MLLT10: variants seen among roughly 807,000 people sequenced by gnomAD.
The protein encoded by MLLT10 is MLLT10 histone lysine methyltransferase DOT1L cofactor.
A neutral mutation model predicts 129.1 loss-of-function variants in MLLT10; 30 were observed. That is an observed-to-expected ratio of 0.23 (90% CI 0.17 to 0.32). MLLT10 has a LOEUF of 0.32. Ranked by LOEUF, MLLT10 falls within the 10% of genes least tolerant of loss-of-function variation. The pLI is 1.00. For synonymous variants in MLLT10, 490 were observed against 446.4 expected, an observed-to-expected ratio of 1.10 and a Z score of -1.23; for missense variants, 1,119 against 1,268.3, an observed-to-expected ratio of 0.88 and a Z score of 1.79.
chr10:21,732,348 C>T lies in MLLT10; in HGVS notation c.2219-551C>T, dbSNP rs552345799. The stretch of plus-strand genomic sequence containing the variant: ...CTCCAGGACTGGAGAGGTGGCTGGG[C>T]GCACACATAGCGCTCCCTGCTGGGT... On this transcript the variant is annotated intron_variant, in intron 17 of 22. Transcript: ENST00000307729. 4.6e-5 allele frequency among the ~76,000 whole-genome samples: 7 copies of T among 152,244 alleles called. No homozygotes were observed. The South Asian group carries it at 6.2e-4, about 14-fold the overall frequency.
intron 2 of MLLT10, 44 bp downstream of exon 2, chr10:21,534,848 A>G (rs747566964): frequency 9.6e-6 from 14 of 1,461,978 alleles, no homozygotes; most frequent in South Asian, 3.7e-5. Context: ...CCTGCGCCCA[A>G]CGGTCACCGC....
At chr10:21,660,749 C>CTGTAA (rs1356978623) in intron 9 of MLLT10, among the ~76,000 whole-genome samples, 2 of 151,734 alleles carry the variant, frequency 1.3e-5, no homozygotes, top group Admixed American at 6.6e-5. Flanking sequence ...TGCCGGACGC[C>CTGTAA]TGTAATCCCA....
At position 21,689,377 on chromosome 10, in the gene MLLT10, G is replaced by A. The variant is rs369222624; in HGVS notation, c.1699+7120G>A. On this transcript the variant is annotated intron_variant, in intron 13 of 22. Transcript: ENST00000307729. ...TCAAGGCCAGGGAAAATTGCTTTCA[G>A]CTGAAGGAATGAGCTATTCAGATAA... 5.9e-5 allele frequency among the ~76,000 whole-genome samples: 9 copies of A among 151,630 alleles called. No homozygotes were observed. The East Asian group carries it at 1.5e-3, about 26-fold the overall frequency.
Position 21,719,325 on chromosome 10 carries a change from T to G in MLLT10, c.1878+5375T>G, listed in dbSNP as rs543121761. Among the ~76,000 whole-genome samples the G allele has an allele frequency of 3.9e-5, 6 of 152,296 alleles. 1 individual carries two copies. The highest frequency in any genetic ancestry group is 1.4e-4 in the African/African-American group (6 of 41,572). On this transcript the variant is annotated intron_variant, in intron 14 of 22. Coordinates refer to ENST00000307729, the MANE Select transcript of MLLT10 (RefSeq NM_001195626.3). ...TAAATTTCTTCTGATTTCAATAATA[T>G]AATGACTTATAATTTTAAGGGAATT... is the stretch of plus-strand genomic sequence containing the variant.
intron 4 of MLLT10, among the ~76,000 whole-genome samples, chr10:21,591,132 A>G (rs1274455580): frequency 6.6e-6 from 1 of 152,150 alleles, no homozygotes; most frequent in Non-Finnish European, 1.5e-5. Context: ...ATCTTGGCTC[A>G]GTGAAGCCTC....
chr10:21,699,403 A>C (rs562806786), intron 13 of MLLT10, among the ~76,000 whole-genome samples: 1 of 151,982 alleles, frequency 6.6e-6, no homozygotes, highest in African/African-American at 2.4e-5. Context: ...ATGTAGTCCC[A>C]TTTTGTCTAT....
chr10:21,572,453 G>C (rs1454531459), intron 3 of MLLT10, among the ~76,000 whole-genome samples: 1 of 151,988 alleles, frequency 6.6e-6, no homozygotes, highest in Non-Finnish European at 1.5e-5. Context: ...TAATTGTCTT[G>C]AGTCTGTTGA....
chr10:21,628,740 CTTTTTTT>C (rs1161362725), intron 8 of MLLT10, among the ~76,000 whole-genome samples: 10 of 99,362 alleles, frequency 1.0e-4, no homozygotes, highest in Admixed American at 3.1e-4. Context: ...TGTGCCCTGC[CTTTTTTT>C]TTTTTTTTTT....
chr10:21,677,958 T>G (rs1259447349), intron 11 of MLLT10, among the ~76,000 whole-genome samples: 1 of 152,232 alleles, frequency 6.6e-6, no homozygotes, highest in Non-Finnish European at 1.5e-5. Context: ...ACGTTAAACA[T>G]TATTTTAAGA....
Position 21,673,391 on chromosome 10 carries a change from G to A in MLLT10, c.1093G>A (p.Gly365Arg), listed in dbSNP as rs1032673628. 1 of 1,480,738 alleles carries A rather than the reference G, an allele frequency of 6.8e-7. No individual in the cohort carries two copies. The highest frequency in any genetic ancestry group is 9.0e-7 in the Non-Finnish European group (1 of 1,107,498). The allele number at this position is 1,480,738 out of a possible 1,614,324, so 91.7% of individuals were successfully genotyped here. The change falls in exon 11 of 23, where the codon GGA becomes AGA. Residue 365 changes from glycine (G) to arginine (R), a missense_variant. Gly to Arg is a moderately radical substitution (Grantham distance 125). Around this residue, in one of 5 missense-constraint regions of MLLT10, gnomAD observed 1,004 missense variants for 1,008.7 expected, o/e 1.00. Transcript: ENST00000307729. ...TCCAGGCAGTGTAAAGTCATCTTCT[G>A]GAAGTTCAGTGCAGTCTCCCCAGGA... ...GTPGSVKSSS[G>R]SSVQSPQDFL... is the part of the protein sequence containing the mutation.
intron 14 of MLLT10, among the ~76,000 whole-genome samples, chr10:21,725,909 CA>C (rs2131556788): frequency 1.3e-5 from 2 of 151,946 alleles, no homozygotes; most frequent in African/African-American, 4.8e-5. Flanking sequence ...CGCCACCATG[CA>C]CGGCTAATTT....
chr10:21,658,255 A>C (rs982279500), intron 9 of MLLT10, among the ~76,000 whole-genome samples: 1 of 152,166 alleles, frequency 6.6e-6, no homozygotes, highest in Non-Finnish European at 1.5e-5. Context: ...ACTTCTTTTA[A>C]TCTCCTTCTC....
At chr10:21,592,669 G>T (rs1215420532) in intron 4 of MLLT10, among the ~76,000 whole-genome samples, 2 of 152,116 alleles carry the variant, frequency 1.3e-5, no homozygotes, top group African/African-American at 4.8e-5. Context: ...TGTTAGCCAG[G>T]ATGGTCTTGA....
In MLLT10 at chr10:21,534,665, C is replaced by G. The variant is rs769348094; in HGVS notation, c.21C>G (p.Pro7=). The change falls in exon 2 of 23, where the codon CCC becomes CCG. Residue 7 remains proline (P), a synonymous_variant. Coordinates refer to ENST00000307729, the MANE Select transcript of MLLT10 (RefSeq NM_001195626.3). MVSSDR[P]VSLEDEVSHS... ...CTTAGATGGTCTCTAGCGACCGGCC[C>G]GTGTCACTGGAGGACGAGGTCTCCC... is the stretch of plus-strand genomic sequence containing the variant. 3 of 1,611,286 alleles carry G rather than the reference C, an allele frequency of 1.9e-6. No individual in the cohort carries two copies. Among genetic ancestry groups the G allele is most frequent in the South Asian group, 1.1e-5 (1 of 90,766 alleles).
At chr10:21,717,823 C>CTCCTTCTTCTCT in intron 14 of MLLT10, among the ~76,000 whole-genome samples, 1 of 140,862 alleles carries the variant, frequency 7.1e-6, no homozygotes, top group Non-Finnish European at 1.5e-5. Context: ...CCTTCTTCTC[C>CTCCTTCTTCTCT]TCCTTCTCCT....
At chr10:21,601,568 C>A (rs1241839614) in intron 5 of MLLT10, among the ~76,000 whole-genome samples, 1 of 152,158 alleles carries the variant, frequency 6.6e-6, no homozygotes, top group African/African-American at 2.4e-5. Context: ...TCCATCACCC[C>A]AGGGTGGAGT....
At chr10:21,647,563 A>G (rs2048615556) in intron 8 of MLLT10, among the ~76,000 whole-genome samples, 3 of 152,168 alleles carry the variant, frequency 2.0e-5, no homozygotes, top group Non-Finnish European at 4.4e-5. Flanking sequence ...TCATTTCCCT[A>G]GGCAGTTATT....
At chr10:21,687,290 T>G (rs1263310524) in intron 13 of MLLT10, among the ~76,000 whole-genome samples, 1 of 152,222 alleles carries the variant, frequency 6.6e-6, no homozygotes, top group Non-Finnish European at 1.5e-5. Context: ...TATAAGAAAC[T>G]GAATTTTTGT....
At chr10:21,735,756 G>T (rs1477468747) in intron 21 of MLLT10, among the ~76,000 whole-genome samples, 4 of 152,164 alleles carry the variant, frequency 2.6e-5, no homozygotes, top group Non-Finnish European at 5.9e-5. Context: ...GCTGTCAAAG[G>T]TCTGGACGTA....
Sources: gnomAD v4.1 joint callset for allele counts (sites outside exome capture counted in the v4.1 genomes callset) on GRCh38, gnomAD v4.1.1 for gene constraint, gnomAD v4.1.1 regional missense constraint, MANE v1.5 for transcripts, NCBI Gene and HGNC (gene_info 2026-07-23, HGNC 2026-07-21) for gene names.